Variants in RANBP2 observed in about 807,000 individuals in gnomAD.
RANBP2 encodes the protein RAN binding protein 2.
In RANBP2, 57 loss-of-function variants were observed where a neutral mutation model predicts 303.6. That is an observed-to-expected ratio of 0.19 (90% CI 0.15 to 0.23). The LOEUF is 0.23. Among genes scored for constraint, RANBP2 ranks in the 10% least tolerant of loss-of-function variants. RANBP2 has a pLI of 1.00. For missense variants in RANBP2, 3,138 were observed against 3,780.8 expected (o/e 0.83, Z 4.46); for synonymous variants, 1,167 against 1,301.5 (o/e 0.90, Z 2.23).
At chr2:109,683,830 G>C in the RANBP2 span, among the ~76,000 whole-genome samples, 2 of 152,124 alleles carry the variant, frequency 1.3e-5, no homozygotes, top group African/African-American at 4.8e-5. Context: ...CTGGTATTGT[G>C]TGCCAACAGT....
At chr2:109,075,025 CAAAAAAAAAA>C in the RANBP2 span, among the ~76,000 whole-genome samples, 1 of 44,632 alleles carries the variant, frequency 2.2e-5, no homozygotes, top group Admixed American at 3.2e-4. Flanking sequence ...GTCTCCATCT[CAAAAAAAAAA>C]AAAAAAAAAA....
intron 12 of RANBP2, 77 bp from the exon 13 acceptor site, chr2:108,752,921 C>A (rs1676016300): frequency 4.0e-5 from 64 of 1,606,836 alleles, no homozygotes; most frequent in Non-Finnish European, 4.6e-5. Context: ...TTAGCCAGTT[C>A]TTTCAACTTG....
At chr2:109,566,899 CAT>C in the RANBP2 span, among the ~76,000 whole-genome samples, 1 of 152,056 alleles carries the variant, frequency 6.6e-6, no homozygotes, top group African/African-American at 2.4e-5. Context: ...TTAAAATTGA[CAT>C]ATTTAGTTTC....
the RANBP2 span, among the ~76,000 whole-genome samples, chr2:109,504,991 C>T: frequency 6.6e-6 from 1 of 152,168 alleles, no homozygotes. Flanking sequence ...GTAGATGACT[C>T]GCCTCCTTTT....
the RANBP2 span, among the ~76,000 whole-genome samples, chr2:109,647,560 C>G: frequency 6.6e-6 from 1 of 151,352 alleles, no homozygotes; most frequent in Non-Finnish European, 1.5e-5. Flanking sequence ...TCTCCGCCTC[C>G]CGGGTTCAAG....
At chr2:109,523,237 G>A in the RANBP2 span, among the ~76,000 whole-genome samples, 4 of 152,138 alleles carry the variant, frequency 2.6e-5, no homozygotes, top group Non-Finnish European at 5.9e-5. Flanking sequence ...TGCATATCAT[G>A]TGGCGGAGAG....
In RANBP2 at chr2:108,729,046, A is replaced by G. The variant is rs1694962265; in HGVS notation, c.73-86A>G. 2.8e-6 allele frequency: 4 copies of G among 1,438,326 alleles called. No homozygotes were observed. The South Asian group carries it at 4.9e-5, about 18-fold the overall frequency. 89.1% of individuals were successfully genotyped at this position (1,438,326 alleles called of 1,614,324 possible). A position where few individuals can be genotyped will look rare whatever the true frequency, so the allele number is the denominator to read the frequency against. The stretch of plus-strand genomic sequence containing the variant: ...AATGAAAGTGGCGTATTTGAACATC[A>G]ACTTAGGACAGATTTTTACTACTTT... On this transcript the variant is annotated intron_variant, in intron 1 of 28. Transcript: ENST00000283195.
the RANBP2 span, among the ~76,000 whole-genome samples, chr2:109,370,754 G>A: frequency 1.3e-5 from 2 of 152,004 alleles, no homozygotes; most frequent in Non-Finnish European, 2.9e-5. Flanking sequence ...CCGAAAGCCC[G>A]CCTTTCCTCC....
At chr2:109,599,982 C>T in the RANBP2 span, among the ~76,000 whole-genome samples, 2 of 152,192 alleles carry the variant, frequency 1.3e-5, no homozygotes, top group African/African-American at 4.8e-5. Flanking sequence ...ATTCTCCCTT[C>T]AAGCAATACC....
the RANBP2 span, among the ~76,000 whole-genome samples, chr2:109,637,037 A>T: frequency 6.6e-6 from 1 of 152,162 alleles, no homozygotes; most frequent in Non-Finnish European, 1.5e-5. Flanking sequence ...TATCTTCATT[A>T]TTTCAGTAAA....
chr2:109,034,270 CAAAAAAAAAAA>C, the RANBP2 span, among the ~76,000 whole-genome samples: 4 of 38,094 alleles, frequency 1.1e-4, no homozygotes, highest in Non-Finnish European at 1.7e-4. Context: ...GACTCCATCT[CAAAAAAAAAAA>C]AAAAAAAAAA....
chr2:108,893,795 C>G, the RANBP2 span, among the ~76,000 whole-genome samples: 3 of 152,278 alleles, frequency 2.0e-5, no homozygotes, highest in East Asian at 5.8e-4. Flanking sequence ...GGACTGGCAC[C>G]ACCCTTATTA....
At chr2:108,812,849 A>G in the RANBP2 span, 1 of 1,613,356 alleles carries the variant, frequency 6.2e-7, no homozygotes, top group Admixed American at 1.7e-5. Flanking sequence ...CAATACAGAG[A>G]TTGAAAGGAA....
At chr2:109,653,192 C>G in the RANBP2 span, among the ~76,000 whole-genome samples, 1 of 151,882 alleles carries the variant, frequency 6.6e-6, no homozygotes, top group African/African-American at 2.4e-5. Flanking sequence ...GTCAAGAGTT[C>G]GAGACCAGCC....
At chr2:108,794,221 A>G in the RANBP2 span, among the ~76,000 whole-genome samples, 1 of 152,164 alleles carries the variant, frequency 6.6e-6, no homozygotes, top group Non-Finnish European at 1.5e-5. Context: ...GAGAGAGGGG[A>G]ACATGATTAG....
At chr2:109,500,387 C>T in the RANBP2 span, among the ~76,000 whole-genome samples, 4 of 152,142 alleles carry the variant, frequency 2.6e-5, no homozygotes, top group Admixed American at 2.6e-4. Flanking sequence ...GCACCTGCCA[C>T]GCAGCACACC....
At chr2:109,629,347 ATATATATATTTTTTT>A in the RANBP2 span, among the ~76,000 whole-genome samples, 2 of 6,302 alleles carry the variant, frequency 3.2e-4, no homozygotes, top group African/African-American at 1.2e-3. Context: ...ATATATATAT[ATATATATATTTTTTT>A]TTTTTTTTTC....
chr2:108,927,048 G>T, the RANBP2 span, among the ~76,000 whole-genome samples: 28 of 152,216 alleles, frequency 1.8e-4, no homozygotes, highest in Admixed American at 1.8e-3. Context: ...TGAGGCGGGG[G>T]CCTTCAATTT....
chr2:109,026,676 G>C, the RANBP2 span, among the ~76,000 whole-genome samples: 1 of 152,180 alleles, frequency 6.6e-6, no homozygotes, highest in African/African-American at 2.4e-5. Flanking sequence ...CACCCTCTAG[G>C]TGGGGAAAAA....
Sources: gnomAD v4.1 joint callset for allele counts (sites outside exome capture counted in the v4.1 genomes callset) on GRCh38, gnomAD v4.1.1 for gene constraint, MANE v1.5 for transcripts, NCBI Gene and HGNC (gene_info 2026-07-23, HGNC 2026-07-21) for gene names.